SPAG16: variants seen among roughly 807,000 people sequenced by gnomAD.
SPAG16 encodes the protein sperm associated antigen 16.
Under a neutral mutation model 80.4 loss-of-function variants are expected in SPAG16, and 86 were observed. The observed-to-expected ratio is 1.07, with a 90% CI of 0.90 to 1.28. The LOEUF is 1.28. Ranked by LOEUF, SPAG16 falls within the 50% of genes most tolerant of loss-of-function variation. The pLI, the probability that SPAG16 is intolerant of heterozygous loss-of-function variation, is 0.00. For synonymous variants in SPAG16, 294 were observed against 265.9 expected, an observed-to-expected ratio of 1.11 and a Z score of -1.03; for missense variants, 870 against 765.3, an observed-to-expected ratio of 1.14 and a Z score of -1.61.
At chr2:213,751,041 T>G (rs2068054566) in intron 10 of SPAG16, among the ~76,000 whole-genome samples, 1 of 152,238 alleles carries the variant, frequency 6.6e-6, no homozygotes, top group African/African-American at 2.4e-5. Context: ...CATAATGCAT[T>G]TTTTATGTTT....
chr2:213,374,379 A>G (rs568259571), intron 8 of SPAG16, among the ~76,000 whole-genome samples: 7 of 152,162 alleles, frequency 4.6e-5, no homozygotes, highest in South Asian at 2.1e-4. Flanking sequence ...GTTTTTTGCA[A>G]TCAACTTACT....
In SPAG16 at chr2:214,169,512, C is replaced by T. The variant is rs114089206; in HGVS notation, c.1720+20246C>T. On this transcript the variant is annotated intron_variant, in intron 15 of 15. Transcript: ENST00000331683. ...AACTGCAGGCAATTGCTTTGAGCTCCGAGCACTTTGAAGAGATTAGCCCCA... is the reference window on the plus strand; with the variant it reads ...AACTGCAGGCAATTGCTTTGAGCTCTGAGCACTTTGAAGAGATTAGCCCCA... 1.6e-3 allele frequency among the ~76,000 whole-genome samples: 248 copies of T among 152,076 alleles called. 1 individual carries two copies. The highest frequency in any genetic ancestry group is 5.4e-3 in the African/African-American group (224 of 41,516).
chr2:213,699,325 T>A (rs76193158), intron 10 of SPAG16, among the ~76,000 whole-genome samples: 5,592 of 152,308 alleles, frequency 0.037, 343 homozygotes, highest in African/African-American at 0.13. Flanking sequence ...CTTTGCAGAC[T>A]TCTTCATTGC....
intron 15 of SPAG16, among the ~76,000 whole-genome samples, chr2:214,331,521 T>A (rs1696913701): frequency 6.6e-6 from 1 of 152,224 alleles, no homozygotes; most frequent in African/African-American, 2.4e-5. Context: ...AATCGGGCCC[T>A]TGGGAAGTAC....
At chr2:213,855,299 G>A (rs1281078665) in intron 10 of SPAG16, among the ~76,000 whole-genome samples, 1 of 152,156 alleles carries the variant, frequency 6.6e-6, no homozygotes, top group Non-Finnish European at 1.5e-5. Flanking sequence ...GTCAACAGAG[G>A]TGTTGAGCTA....
intron 10 of SPAG16, among the ~76,000 whole-genome samples, chr2:213,621,224 TC>T (rs2061771828): frequency 6.6e-6 from 1 of 152,200 alleles, no homozygotes; most frequent in Non-Finnish European, 1.5e-5. Flanking sequence ...TTTAGATTGA[TC>T]TTTTTTGTTA....
intron 12 of SPAG16, among the ~76,000 whole-genome samples, chr2:214,003,513 T>C (rs998668280): frequency 2.0e-5 from 3 of 152,226 alleles, no homozygotes; most frequent in Non-Finnish European, 2.9e-5. Context: ...TGAGTGTTAC[T>C]CAGGTTCCTT....
intron 10 of SPAG16, among the ~76,000 whole-genome samples, chr2:213,853,120 C>T (rs1243346553): frequency 6.6e-6 from 1 of 152,180 alleles, no homozygotes; most frequent in African/African-American, 2.4e-5. Flanking sequence ...GCATCTTCTG[C>T]TGTGGCAATA....
chr2:213,376,330 T>C (rs2066880415), intron 9 of SPAG16, among the ~76,000 whole-genome samples: 1 of 152,044 alleles, frequency 6.6e-6, no homozygotes. Flanking sequence ...TTTAGATTAA[T>C]AATGCAAGGT....
rs895267857 is a variant in SPAG16 at position 214,215,677 on chromosome 2, C to G, written c.1720+66411C>G. On this transcript the variant is annotated intron_variant, in intron 15 of 15. Transcript: ENST00000331683. Reference sequence around the variant, plus strand: ...AACAAGTGTTCTTTGTAACTCTTTCCCGTACTGTTGCAATGATAATGCTAT... The same window carrying G: ...AACAAGTGTTCTTTGTAACTCTTTCGCGTACTGTTGCAATGATAATGCTAT... 4.0e-5 allele frequency among the ~76,000 whole-genome samples: 6 copies of G among 148,214 alleles called. No homozygotes were observed. The East Asian group carries it at 1.2e-3, about 29-fold the overall frequency.
At chr2:214,245,082 T>C (rs545123478) in intron 15 of SPAG16, among the ~76,000 whole-genome samples, 1 of 152,294 alleles carries the variant, frequency 6.6e-6, no homozygotes, top group South Asian at 2.1e-4. Context: ...ATCTGCATTC[T>C]ATCTATAAAT....
At chr2:214,372,674 T>C (rs768225557) in intron 15 of SPAG16, among the ~76,000 whole-genome samples, 1 of 152,180 alleles carries the variant, frequency 6.6e-6, no homozygotes, top group Non-Finnish European at 1.5e-5. Context: ...AAATTTACAA[T>C]TGAGGGCAAA....
chr2:213,980,524 A>C (rs2045668729), intron 12 of SPAG16, among the ~76,000 whole-genome samples: 1 of 141,962 alleles, frequency 7.0e-6, no homozygotes. Flanking sequence ...ATATATATAG[A>C]ATATATGTGT....
At chr2:213,926,137 CT>C (rs2078466308) in intron 11 of SPAG16, among the ~76,000 whole-genome samples, 1 of 152,100 alleles carries the variant, frequency 6.6e-6, no homozygotes, top group Non-Finnish European at 1.5e-5. Context: ...GGAAAATATA[CT>C]TTTTTATTGT....
At chr2:214,010,131 G>A (rs2047215465) in intron 12 of SPAG16, among the ~76,000 whole-genome samples, 1 of 145,896 alleles carries the variant, frequency 6.9e-6, no homozygotes, top group Non-Finnish European at 1.5e-5. Flanking sequence ...TGATTTGTAA[G>A]ATGATAGATG....
At chr2:213,710,725 T>C (rs112294777) in intron 10 of SPAG16, among the ~76,000 whole-genome samples, 140 of 152,342 alleles carry the variant, frequency 9.2e-4, no homozygotes, top group Middle Eastern at 3.4e-3. Context: ...CAAGACCTTT[T>C]AAATGAAAGA....
intron 12 of SPAG16, among the ~76,000 whole-genome samples, chr2:214,004,932 C>G (rs1047171496): frequency 6.6e-6 from 1 of 152,052 alleles, no homozygotes; most frequent in African/African-American, 2.4e-5. Context: ...TATGAAATCA[C>G]AAATAATGAG....
intron 9 of SPAG16, among the ~76,000 whole-genome samples, chr2:213,476,489 C>T (rs1298607789): frequency 6.6e-6 from 1 of 152,198 alleles, no homozygotes; most frequent in Non-Finnish European, 1.5e-5. Context: ...TATAGACCAG[C>T]AGCTGCACTA....
intron 10 of SPAG16, among the ~76,000 whole-genome samples, chr2:213,511,344 G>T (rs2075217945): frequency 1.3e-5 from 2 of 151,934 alleles, no homozygotes; most frequent in East Asian, 3.9e-4. Context: ...ATGATTTGAA[G>T]GCTAGTTTAA....
Sources: allele counts gnomAD v4.1 joint callset (sites outside exome capture counted in the v4.1 genomes callset), GRCh38; gene constraint gnomAD v4.1.1; transcripts MANE v1.5; gene names NCBI Gene and HGNC (gene_info 2026-07-23, HGNC 2026-07-21).